Variants in ADARB2 observed in about 807,000 individuals in gnomAD.
ADARB2 encodes inactive double-stranded RNA-specific editase B2.
Under a neutral mutation model 62.2 loss-of-function variants are expected in ADARB2, and 25 were observed. The ratio of observed to expected loss-of-function variants is 0.40; its 90% CI spans 0.29 to 0.56. The LOEUF is 0.56. Among genes scored for constraint, ADARB2 ranks in the 20% least tolerant of loss-of-function variants. The probability of loss-of-function intolerance (pLI) is 0.43; values close to 1 mark genes in which losing one functional copy is unlikely to be tolerated. For missense variants in ADARB2, 1,071 were observed against 1,077.4 expected, an observed-to-expected ratio of 0.99 and a Z score of 0.08; for synonymous variants, 572 against 500.8, an observed-to-expected ratio of 1.14 and a Z score of -1.90.
chr10:1,557,801 A>G (rs998962343), intron 1 of ADARB2, among the ~76,000 whole-genome samples: 18 of 151,966 alleles, frequency 1.2e-4, no homozygotes, highest in African/African-American at 4.1e-4. Flanking sequence ...AATCCCAGGT[A>G]CTCTGGAGCC....
intron 1 of ADARB2, among the ~76,000 whole-genome samples, chr10:1,462,559 CTG>C (rs1448164416): frequency 6.7e-6 from 1 of 148,462 alleles, no homozygotes; most frequent in Admixed American, 6.7e-5. Context: ...GTGTATGTGC[CTG>C]TGTGTATGTG....
At chr10:1,510,310 A>T (rs1831920539) in intron 1 of ADARB2, among the ~76,000 whole-genome samples, 1 of 151,924 alleles carries the variant, frequency 6.6e-6, no homozygotes, top group South Asian at 2.1e-4. Context: ...CTTCATGAGT[A>T]GCTGGAATGA....
At chr10:1,592,948 T>A (rs113613699) in intron 1 of ADARB2, among the ~76,000 whole-genome samples, 968 of 35,176 alleles carry the variant, frequency 0.028, no homozygotes, top group South Asian at 0.059. Flanking sequence ...TCACCCAGCT[T>A]CCCTCGCCCA....
At chr10:1,488,162 T>C (rs1831566974) in intron 1 of ADARB2, among the ~76,000 whole-genome samples, 1 of 151,412 alleles carries the variant, frequency 6.6e-6, no homozygotes, top group Admixed American at 6.6e-5. Flanking sequence ...TATAAGCTAG[T>C]GTAGACTTTT....
chr10:1,452,626 GA>G (rs1022863039), intron 1 of ADARB2, among the ~76,000 whole-genome samples: 13 of 58,084 alleles, frequency 2.2e-4, no homozygotes, highest in African/African-American at 9.0e-4. Flanking sequence ...TTGGGGGGGG[GA>G]ATATCACACA....
rs1031720754 is a variant in ADARB2 at position 1,181,880 on chromosome 10, C to T, written c.*1313G>A. 29 of 152,132 alleles carry T rather than the reference C, an allele frequency of 1.9e-4. No individual in the cohort carries two copies. The highest frequency in any genetic ancestry group is 6.3e-4 in the African/African-American group (26 of 41,408). The allele number at this position is 152,132 out of a possible 1,614,324, so 9.4% of individuals were successfully genotyped here. On this transcript the variant is annotated 3_prime_UTR_variant, in exon 10 of 10. Transcript: ENST00000381312. Reference sequence around the variant, plus strand: ...ACAGCAGCTCGAGGTACATGGATTACGTAAAGATACTTGGAAAAGAGCCTG... The same window carrying T: ...ACAGCAGCTCGAGGTACATGGATTATGTAAAGATACTTGGAAAAGAGCCTG...
intron 2 of ADARB2, among the ~76,000 whole-genome samples, chr10:1,374,021 T>C (rs1424765405): frequency 6.6e-6 from 1 of 151,782 alleles, no homozygotes; most frequent in Non-Finnish European, 1.5e-5. Context: ...CCGCTTCCAG[T>C]GAGACTCCGT....
Position 1,446,759 on chromosome 10 carries a change from C to T in ADARB2, c.101-67599G>A, listed in dbSNP as rs568173049. Reference sequence around the variant, plus strand: ...GTTAAAACGTTCTTGTATGCAAGTTCGCCTATTATAGTGCTTGGTTCAGAG... The same window carrying T: ...GTTAAAACGTTCTTGTATGCAAGTTTGCCTATTATAGTGCTTGGTTCAGAG... On this transcript the variant is annotated intron_variant, in intron 1 of 9. Transcript: ENST00000381312. Among the ~76,000 whole-genome samples the T allele has an allele frequency of 1.1e-3, 169 of 152,248 alleles. 1 individual carries two copies. The highest frequency in any genetic ancestry group is 3.8e-3 in the African/African-American group (158 of 41,542).
chr10:1,500,112 T>G (rs968695739), intron 1 of ADARB2, among the ~76,000 whole-genome samples: 2 of 152,184 alleles, frequency 1.3e-5, no homozygotes, highest in Admixed American at 6.5e-5. Flanking sequence ...GATTCAAGAG[T>G]TCTTTTGAAG....
intron 3 of ADARB2, among the ~76,000 whole-genome samples, chr10:1,357,190 T>C (rs1832203996): frequency 6.6e-6 from 1 of 152,120 alleles, no homozygotes; most frequent in African/African-American, 2.4e-5. Flanking sequence ...CCTCCTCCAT[T>C]CGATTTATTC....
chr10:1,721,332 G>A (rs1486737946), intron 1 of ADARB2, among the ~76,000 whole-genome samples: 1 of 152,226 alleles, frequency 6.6e-6, no homozygotes, highest in Non-Finnish European at 1.5e-5. Flanking sequence ...AACGAATGTT[G>A]ACGTTGACAT....
At chr10:1,448,006 T>C (rs1304148117) in intron 1 of ADARB2, among the ~76,000 whole-genome samples, 1 of 152,232 alleles carries the variant, frequency 6.6e-6, no homozygotes, top group Non-Finnish European at 1.5e-5. Flanking sequence ...TGATTCCATG[T>C]ATTTGCTATT....
chr10:1,472,655 A>G (rs1377196777), intron 1 of ADARB2, among the ~76,000 whole-genome samples: 2 of 152,206 alleles, frequency 1.3e-5, no homozygotes, highest in African/African-American at 4.8e-5. Flanking sequence ...TGAAAAGGAA[A>G]TCGGTCCGGC....
intron 1 of ADARB2, among the ~76,000 whole-genome samples, chr10:1,388,604 A>G (rs1270429451): frequency 1.3e-5 from 2 of 152,176 alleles, no homozygotes; most frequent in East Asian, 3.8e-4. Flanking sequence ...AAATTAATAA[A>G]CAATACTGTT....
chr10:1,560,579 C>CT (rs1564330816), intron 1 of ADARB2, among the ~76,000 whole-genome samples: 2 of 24,270 alleles, frequency 8.2e-5, no homozygotes, highest in Non-Finnish European at 3.0e-4. Context: ...CGTGAACACA[C>CT]GGGGGGTGGG....
chr10:1,354,062 T>G (rs1319834732), intron 3 of ADARB2, among the ~76,000 whole-genome samples: 5 of 151,950 alleles, frequency 3.3e-5, no homozygotes, highest in African/African-American at 1.2e-4. Flanking sequence ...CAGCTTAATC[T>G]CTCCCACTCT....
intron 1 of ADARB2, among the ~76,000 whole-genome samples, chr10:1,496,226 A>G (rs1232244995): frequency 6.6e-6 from 1 of 152,074 alleles, no homozygotes; most frequent in African/African-American, 2.4e-5. Context: ...CACTATCATC[A>G]TCATTGTCAT....
chr10:1,294,311 T>A (rs1831504275), intron 3 of ADARB2, among the ~76,000 whole-genome samples: 2 of 152,160 alleles, frequency 1.3e-5, no homozygotes, highest in Non-Finnish European at 2.9e-5. Flanking sequence ...ATGAGCAGTG[T>A]GTGTGCAAGA....
chr10:1,495,996 T>A (rs762995090), intron 1 of ADARB2, among the ~76,000 whole-genome samples: 69 of 151,892 alleles, frequency 4.5e-4, no homozygotes, highest in Non-Finnish European at 8.2e-4. Context: ...TCTATTGTCA[T>A]CATCATAGTC....
Sources: gnomAD v4.1 joint callset for allele counts (sites outside exome capture counted in the v4.1 genomes callset) on GRCh38, gnomAD v4.1.1 for gene constraint, MANE v1.5 for transcripts, NCBI Gene and HGNC (gene_info 2026-07-23, HGNC 2026-07-21) for gene names.